DRC5: variants seen among roughly 807,000 people sequenced by gnomAD.
DRC5 encodes dynein regulatory complex subunit 5.
At chr6:44,287,821 T>G in the DRC5 span, 3 of 1,612,372 alleles carry the variant, frequency 1.9e-6, no homozygotes, top group African/African-American at 4.0e-5. Context: ...TACGGTATCC[T>G]GCATGCTGGA....
chr6:44,282,959 C>A, the DRC5 span, among the ~76,000 whole-genome samples: 4 of 151,974 alleles, frequency 2.6e-5, no homozygotes, highest in Non-Finnish European at 5.9e-5. Context: ...CCCGCCACCA[C>A]GCCCTGCTAA....
chr6:44,281,698 C>A, the DRC5 span, among the ~76,000 whole-genome samples: 52 of 152,324 alleles, frequency 3.4e-4, no homozygotes, highest in African/African-American at 1.2e-3. Context: ...AATTGCATTT[C>A]TTACTCTCAG....
At chr6:44,292,366 G>A in the DRC5 span, among the ~76,000 whole-genome samples, 3 of 152,112 alleles carry the variant, frequency 2.0e-5, no homozygotes, top group African/African-American at 7.2e-5. Context: ...TGAAGGCAAG[G>A]TGCTTCTTTG....
chr6:44,283,297 G>T, the DRC5 span, among the ~76,000 whole-genome samples: 1 of 152,248 alleles, frequency 6.6e-6, no homozygotes, highest in South Asian at 2.1e-4. Flanking sequence ...TCCTCTCCCA[G>T]CCAAGATCCA....
the DRC5 span, chr6:44,280,386 C>T: frequency 6.2e-7 from 1 of 1,612,130 alleles, no homozygotes; most frequent in South Asian, 1.1e-5. Context: ...CTGCTTCCCA[C>T]CGTCCTGGGA....
chr6:44,287,083 C>T, the DRC5 span: 1 of 524,078 alleles, frequency 1.9e-6, no homozygotes, highest in African/African-American at 2.1e-5. Flanking sequence ...GAAATAATGG[C>T]CCTGTCCTCA....
chr6:44,292,650 T>C, the DRC5 span, among the ~76,000 whole-genome samples: 4 of 152,100 alleles, frequency 2.6e-5, no homozygotes, highest in African/African-American at 9.7e-5. Context: ...CAGGGCAACT[T>C]GTTGGGGGGT....
chr6:44,287,893 G>A, the DRC5 span: 17 of 1,544,400 alleles, frequency 1.1e-5, no homozygotes, highest in East Asian at 1.4e-4. Context: ...TTCTCAGACT[G>A]GCAGGTCCTT....
the DRC5 span, chr6:44,278,838 CTAAT>C: frequency 3.3e-5 from 5 of 151,406 alleles, no homozygotes; most frequent in African/African-American, 1.2e-4. Flanking sequence ...TCTTGTTTCT[CTAAT>C]TAGAACTTCT....
the DRC5 span, chr6:44,282,147 A>C: frequency 3.3e-5 from 53 of 1,613,892 alleles, no homozygotes; most frequent in Middle Eastern, 4.9e-4. Context: ...GATGCTGGTG[A>C]GTGTGGTGTT....
chr6:44,282,397 G>T, the DRC5 span: 1 of 1,614,124 alleles, frequency 6.2e-7, no homozygotes, highest in East Asian at 2.2e-5. Context: ...TTGAGCACAC[G>T]CAGGCGGCTG....
At chr6:44,280,054 G>A in the DRC5 span, 1 of 854,032 alleles carries the variant, frequency 1.2e-6, no homozygotes, top group Non-Finnish European at 1.9e-6. Context: ...TACAACCCTT[G>A]ATCACTCCAA....
the DRC5 span, chr6:44,286,352 C>T: frequency 1.2e-6 from 2 of 1,613,994 alleles, no homozygotes; most frequent in South Asian, 1.1e-5. Flanking sequence ...GAAGAACATG[C>T]GTTTCCAGCT....
the DRC5 span, chr6:44,287,130 A>G: frequency 1.1e-6 from 1 of 941,236 alleles, no homozygotes; most frequent in Non-Finnish European, 1.3e-6. Context: ...CTGGCAGTCC[A>G]TCTTTGGAAA....
chr6:44,284,562 C>A, the DRC5 span, among the ~76,000 whole-genome samples: 3 of 152,246 alleles, frequency 2.0e-5, no homozygotes, highest in African/African-American at 4.8e-5. Context: ...CAAACTGAAA[C>A]TTACACTCTT....
At chr6:44,284,870 C>A in the DRC5 span, among the ~76,000 whole-genome samples, 1 of 152,226 alleles carries the variant, frequency 6.6e-6, no homozygotes, top group Admixed American at 6.5e-5. Context: ...CTGCCCTGCC[C>A]AGGCCATCCT....
the DRC5 span, chr6:44,280,107 G>T: frequency 7.4e-7 from 1 of 1,356,516 alleles, no homozygotes; most frequent in Non-Finnish European, 1.0e-6. Flanking sequence ...GAACCAGTGT[G>T]ATACTCTGCA....
At chr6:44,286,302 C>G in the DRC5 span, 3 of 1,613,268 alleles carry the variant, frequency 1.9e-6, no homozygotes, top group Non-Finnish European at 2.5e-6. Flanking sequence ...TCTGTGGTGC[C>G]TGGGATAAAG....
At chr6:44,281,766 C>T in the DRC5 span, among the ~76,000 whole-genome samples, 3 of 152,328 alleles carry the variant, frequency 2.0e-5, no homozygotes, top group East Asian at 1.9e-4. Context: ...GGCTTTCAAT[C>T]AATCTTGGGT....
Sources: allele counts gnomAD v4.1 joint callset (sites outside exome capture counted in the v4.1 genomes callset), GRCh38; gene constraint gnomAD v4.1.1; transcripts MANE v1.5; gene names NCBI Gene and HGNC (gene_info 2026-07-23, HGNC 2026-07-21).